Variants in SPATA16 observed in about 807,000 individuals in gnomAD.
The protein encoded by SPATA16 is spermatogenesis-associated protein 16.
In SPATA16, 36 loss-of-function variants were observed where a neutral mutation model predicts 63.3. The ratio of observed to expected loss-of-function variants is 0.57; its 90% confidence interval spans 0.44 to 0.75. The LOEUF is 0.75. SPATA16 is among the 30% of genes least tolerant of loss of function. SPATA16 has a pLI of 0.00. For missense variants in SPATA16, 646 were observed against 679.3 expected, an observed-to-expected ratio of 0.95 and a Z score of 0.54; for synonymous variants, 203 against 216.7, an observed-to-expected ratio of 0.94 and a Z score of 0.56.
intron 1 of SPATA16, among the ~76,000 whole-genome samples, chr3:173,134,664 T>C (rs1055730985): frequency 4.6e-5 from 7 of 152,238 alleles, no homozygotes; most frequent in Admixed American, 4.6e-4. Context: ...GCCTCCAGAA[T>C]TGTAAGCCAA....
intron 4 of SPATA16, among the ~76,000 whole-genome samples, chr3:172,984,846 A>G (rs778674672): frequency 9.9e-5 from 15 of 152,210 alleles, no homozygotes; most frequent in Non-Finnish European, 1.5e-4. Flanking sequence ...TACTACTGCT[A>G]TTTGTAACAG....
At chr3:173,011,658 A>G (rs1424463860) in intron 4 of SPATA16, among the ~76,000 whole-genome samples, 2 of 152,252 alleles carry the variant, frequency 1.3e-5, no homozygotes, top group African/African-American at 4.8e-5. Flanking sequence ...AAAAAAAAGA[A>G]GTCAGATTAT....
chr3:173,056,980 A>G (rs1736247638), intron 2 of SPATA16, among the ~76,000 whole-genome samples: 1 of 151,596 alleles, frequency 6.6e-6, no homozygotes, highest in Non-Finnish European at 1.5e-5. Context: ...ATTTTCATGT[A>G]TTTTGCCTGA....
At chr3:173,096,404 G>A (rs1391985100) in intron 2 of SPATA16, among the ~76,000 whole-genome samples, 1 of 152,060 alleles carries the variant, frequency 6.6e-6, no homozygotes, top group East Asian at 1.9e-4. Flanking sequence ...TTAGAAAACT[G>A]GGGTGAAATA....
chr3:173,021,135 G>T (rs1392613760), intron 3 of SPATA16, among the ~76,000 whole-genome samples: 1 of 152,146 alleles, frequency 6.6e-6, no homozygotes, highest in Non-Finnish European at 1.5e-5. Flanking sequence ...AAATCTGTCT[G>T]GCCTGTGGAT....
chr3:173,010,061 G>T (rs1002546422), intron 4 of SPATA16, among the ~76,000 whole-genome samples: 5 of 152,104 alleles, frequency 3.3e-5, no homozygotes, highest in Non-Finnish European at 5.9e-5. Context: ...TTCATTTTTC[G>T]ACTGCCACGC....
intron 3 of SPATA16, among the ~76,000 whole-genome samples, chr3:173,040,428 G>A (rs1367298477): frequency 1.3e-5 from 2 of 152,104 alleles, no homozygotes; most frequent in South Asian, 2.1e-4. Flanking sequence ...GAAAGTGGAC[G>A]TATTTTAGTA....
At chr3:173,093,483 C>G (rs543343183) in intron 2 of SPATA16, among the ~76,000 whole-genome samples, 1 of 151,976 alleles carries the variant, frequency 6.6e-6, no homozygotes, top group Non-Finnish European at 1.5e-5. Context: ...GGATTATATC[C>G]CCAGAGTTTA....
chr3:172,939,568 T>C (rs770034730), intron 6 of SPATA16, among the ~76,000 whole-genome samples: 99 of 152,334 alleles, frequency 6.5e-4, no homozygotes, highest in Non-Finnish European at 8.8e-4. Flanking sequence ...GGAAGCATCA[T>C]GCACTATGGT....
At chr3:172,997,730 A>C (rs1289135273) in intron 4 of SPATA16, among the ~76,000 whole-genome samples, 1 of 151,962 alleles carries the variant, frequency 6.6e-6, no homozygotes, top group East Asian at 1.9e-4. Flanking sequence ...TATAGTTTTG[A>C]ATTTTACATT....
chr3:172,973,962 C>T (rs1734099845), intron 5 of SPATA16, among the ~76,000 whole-genome samples: 1 of 152,118 alleles, frequency 6.6e-6, no homozygotes, highest in Non-Finnish European at 1.5e-5. Context: ...GAAGAGGTGA[C>T]ACTATTATAG....
At chr3:173,050,395 G>T (rs1211883377) in intron 2 of SPATA16, among the ~76,000 whole-genome samples, 2 of 152,010 alleles carry the variant, frequency 1.3e-5, no homozygotes, top group Non-Finnish European at 1.5e-5. Context: ...CCCTTTATCA[G>T]TTGGATGAAT....
intron 3 of SPATA16, among the ~76,000 whole-genome samples, chr3:173,034,350 CT>C (rs1352702472): frequency 1.3e-5 from 2 of 151,952 alleles, no homozygotes; most frequent in African/African-American, 2.4e-5. Flanking sequence ...ATCCTTATTT[CT>C]TTTAGAGTCT....
At chr3:173,107,777 G>A (rs1257334341) in intron 2 of SPATA16, among the ~76,000 whole-genome samples, 1 of 152,138 alleles carries the variant, frequency 6.6e-6, no homozygotes, top group Admixed American at 6.5e-5. Context: ...GTCCGTAACA[G>A]AGGAAAGAGA....
chr3:172,905,985 A>G lies in SPATA16; in HGVS notation c.1587+7676T>C, dbSNP rs145171528. Among the ~76,000 whole-genome samples the G allele has an allele frequency of 5.8e-3, 878 of 152,362 alleles. 6 individuals are homozygous for G. The highest frequency in any genetic ancestry group is 0.02 in the African/African-American group (847 of 41,578). ...GCATAGCAGAACAAGACAATACTGT[A>G]TGTCATACCAGGTTAAATGCTGATC... On this transcript the variant is annotated intron_variant, in intron 10 of 10. Coordinates refer to ENST00000351008, the MANE Select transcript of SPATA16 (RefSeq NM_031955.6).
intron 3 of SPATA16, among the ~76,000 whole-genome samples, chr3:173,026,915 T>C (rs185827107): frequency 1.3e-5 from 2 of 152,052 alleles, no homozygotes; most frequent in African/African-American, 2.4e-5. Flanking sequence ...ATTGAAATTC[T>C]GTACTTTTCT....
intron 1 of SPATA16, among the ~76,000 whole-genome samples, chr3:173,124,900 A>T (rs920139757): frequency 6.6e-6 from 1 of 152,010 alleles, no homozygotes. Context: ...GATTTTGTCC[A>T]GTTCTATGGC....
intron 4 of SPATA16, among the ~76,000 whole-genome samples, chr3:173,001,307 C>T (rs564696413): frequency 2.1e-5 from 3 of 141,200 alleles, no homozygotes; most frequent in African/African-American, 5.7e-5. Flanking sequence ...TGCAATAGGA[C>T]GGCTAGAGGG....
chr3:173,136,234 C>T (rs931465318), intron 1 of SPATA16, among the ~76,000 whole-genome samples: 2 of 152,180 alleles, frequency 1.3e-5, no homozygotes, highest in African/African-American at 4.8e-5. Context: ...TCCATGATTA[C>T]ATTTCTGAGG....
Sources: gnomAD v4.1 joint callset for allele counts (sites outside exome capture counted in the v4.1 genomes callset) on GRCh38, gnomAD v4.1.1 for gene constraint, MANE v1.5 for transcripts, NCBI Gene and HGNC (gene_info 2026-07-23, HGNC 2026-07-21) for gene names.